Variants in SLC35F1 observed in about 807,000 individuals in gnomAD.
SLC35F1 encodes chromosome 6 open reading frame 169.
A neutral mutation model predicts 48.7 loss-of-function variants in SLC35F1; 14 were observed. The observed-to-expected ratio is 0.29, with a 90% CI of 0.19 to 0.45. The LOEUF (loss-of-function observed/expected upper bound fraction) is 0.45, where lower values mean the gene tolerates loss of function less well. SLC35F1 is among the 20% of genes least tolerant of loss of function. The pLI, the probability that SLC35F1 is intolerant of heterozygous loss-of-function variation, is 1.00. For missense variants in SLC35F1, 404 were observed against 500.0 expected (o/e 0.81, Z 1.83); for synonymous variants, 190 against 202.2 (o/e 0.94, Z 0.51).
chr6:118,241,326 C>A (rs1217293769), intron 3 of SLC35F1, among the ~76,000 whole-genome samples: 1 of 152,140 alleles, frequency 6.6e-6, no homozygotes, highest in East Asian at 1.9e-4. Context: ...CTTGCTCTAT[C>A]CTCTTGCCCT....
At chr6:118,281,175 ACTCTCTCTCTCT>A (rs745677823) in intron 6 of SLC35F1, among the ~76,000 whole-genome samples, 1 of 137,688 alleles carries the variant, frequency 7.3e-6, no homozygotes, top group Admixed American at 7.3e-5. Flanking sequence ...ATATATAGTA[ACTCTCTCTCTCT>A]CTCTCTCTCT....
intron 1 of SLC35F1, among the ~76,000 whole-genome samples, chr6:117,961,461 A>G (rs1776497393): frequency 6.6e-6 from 1 of 152,174 alleles, no homozygotes; most frequent in Non-Finnish European, 1.5e-5. Context: ...TTAATAGAAG[A>G]GAGCTCAGCC....
intron 2 of SLC35F1, among the ~76,000 whole-genome samples, chr6:118,231,803 C>T (rs1415285061): frequency 2.0e-5 from 3 of 152,162 alleles, no homozygotes; most frequent in South Asian, 2.1e-4. Context: ...GTGGCTGGTG[C>T]GCTCTGAGTC....
rs200732253 is a variant in SLC35F1, at chr6:117,999,200, G to A, written c.173+91301G>A. 2,676 of 1,595,650 alleles carry A rather than the reference G, an allele frequency of 1.7e-3. 54 individuals carry two copies. In the South Asian group the frequency reaches 0.024, roughly 14 times the overall value. On this transcript the variant is annotated intron_variant, in intron 1 of 7. Transcript: ENST00000360388. Reference sequence around the variant, plus strand: ...ACGTGCCGAGGCTATCAAGGCCCTCGTAAAGCCCAAGGAGGTTAAGCCCAA... The same window carrying A: ...ACGTGCCGAGGCTATCAAGGCCCTCATAAAGCCCAAGGAGGTTAAGCCCAA...
intron 7 of SLC35F1, among the ~76,000 whole-genome samples, chr6:118,292,639 A>G (rs1776138396): frequency 6.6e-6 from 1 of 151,832 alleles, no homozygotes; most frequent in Non-Finnish European, 1.5e-5. Flanking sequence ...TCCACGCAGA[A>G]CTAAATGACT....
At chr6:118,198,936 G>A (rs181154713) in intron 2 of SLC35F1, among the ~76,000 whole-genome samples, 68 of 152,282 alleles carry the variant, frequency 4.5e-4, no homozygotes, top group African/African-American at 1.4e-3. Flanking sequence ...GCCAAGCAAC[G>A]TTATGACTCA....
At chr6:117,999,776 G>A (rs565392571) in intron 1 of SLC35F1, among the ~76,000 whole-genome samples, 25 of 151,614 alleles carry the variant, frequency 1.6e-4, no homozygotes, top group East Asian at 3.9e-4. Flanking sequence ...TATCACCACC[G>A]ATCCCACAGA....
intron 1 of SLC35F1, 150 bp from the exon 2 acceptor site, chr6:118,154,295 C>T: frequency 4.7e-6 from 3 of 633,622 alleles, no homozygotes; most frequent in Non-Finnish European, 5.2e-6. Context: ...TTGCACCTTC[C>T]TCGAGGGATT....
At chr6:118,109,862 C>T (rs1282173893) in intron 1 of SLC35F1, among the ~76,000 whole-genome samples, 2 of 152,136 alleles carry the variant, frequency 1.3e-5, no homozygotes, top group African/African-American at 4.8e-5. Context: ...TCTTTATGGC[C>T]AGCACTTACC....
intron 2 of SLC35F1, among the ~76,000 whole-genome samples, chr6:118,206,400 T>C (rs1488699265): frequency 6.6e-6 from 1 of 152,154 alleles, no homozygotes; most frequent in Non-Finnish European, 1.5e-5. Flanking sequence ...TAACCTTACT[T>C]CTTACTCTCA....
chr6:117,956,209 CA>C (rs1407856680), intron 1 of SLC35F1, among the ~76,000 whole-genome samples: 1 of 152,214 alleles, frequency 6.6e-6, no homozygotes, highest in Non-Finnish European at 1.5e-5. Flanking sequence ...TTTCAGTTCA[CA>C]AACAGGTGTT....
intron 7 of SLC35F1, among the ~76,000 whole-genome samples, chr6:118,292,243 G>T (rs770311411): frequency 6.6e-6 from 1 of 152,206 alleles, no homozygotes; most frequent in African/African-American, 2.4e-5. Context: ...TGTAGCCAGG[G>T]TTAGACCCCT....
intron 1 of SLC35F1, among the ~76,000 whole-genome samples, chr6:117,967,841 T>C (rs1044257834): frequency 2.0e-5 from 3 of 152,188 alleles, no homozygotes; most frequent in Non-Finnish European, 4.4e-5. Context: ...AATATGAGCA[T>C]AATACAGGAA....
intron 1 of SLC35F1, among the ~76,000 whole-genome samples, chr6:118,022,546 A>AGAGGCAGAGCTCTCACCT (rs141918043): frequency 1.3e-5 from 2 of 151,764 alleles, no homozygotes; most frequent in African/African-American, 2.4e-5. Context: ...AGGCCTGCAG[A>AGAGGCAGAGCTCTCACCT]GAGGCAGAGC....
At chr6:118,074,046 T>C (rs1415895491) in intron 1 of SLC35F1, among the ~76,000 whole-genome samples, 1 of 152,190 alleles carries the variant, frequency 6.6e-6, no homozygotes, top group African/African-American at 2.4e-5. Flanking sequence ...CTTTTCCCTA[T>C]AGACTATATT....
intron 1 of SLC35F1, among the ~76,000 whole-genome samples, chr6:118,046,000 G>A (rs1197710747): frequency 2.0e-5 from 3 of 152,036 alleles, no homozygotes; most frequent in Non-Finnish European, 4.4e-5. Context: ...TCAACCAGAT[G>A]GATAGAAACC....
At position 118,154,525 on chromosome 6, in the gene SLC35F1, C is replaced by T. The variant is rs754996434; in HGVS notation, c.254C>T (p.Ser85Leu). Residue 85 changes from serine to leucine, a missense_variant, in exon 2 of 8, where the codon TCA (serine) becomes TTA (leucine). By Grantham distance (145) the Ser-to-Leu change is moderately radical. Around this residue, in one of 2 missense-constraint regions of SLC35F1, gnomAD observed 306 missense variants for 419.1 expected, o/e 0.73. Coordinates refer to ENST00000360388, the MANE Select transcript of SLC35F1 (RefSeq NM_001029858.4). ...ATTGGCTTGACTAGCAAGTATCTGT[C>T]AGAAGATTTCCACGCCAACACACCA... Reference protein sequence around the residue: ...CGIGLTSKYLSEDFHANTPVF... With the variant: ...CGIGLTSKYLLEDFHANTPVF... The T allele has an allele frequency of 4.3e-6, 7 of 1,613,892 alleles. No homozygotes were observed. Among genetic ancestry groups the T allele is most frequent in the Non-Finnish European group, 5.9e-6 (7 of 1,179,946 alleles).
chr6:117,997,071 G>A (rs1326450888), intron 1 of SLC35F1, among the ~76,000 whole-genome samples: 2 of 152,112 alleles, frequency 1.3e-5, no homozygotes, highest in East Asian at 3.8e-4. Flanking sequence ...ATACAGAGAA[G>A]TGCTTAAAGG....
At chr6:118,054,396 T>C (rs558631448) in intron 1 of SLC35F1, among the ~76,000 whole-genome samples, 1 of 152,192 alleles carries the variant, frequency 6.6e-6, no homozygotes, top group Non-Finnish European at 1.5e-5. Flanking sequence ...TATATCATAA[T>C]GCAATTTCAG....
Sources: allele counts gnomAD v4.1 joint callset (sites outside exome capture counted in the v4.1 genomes callset), GRCh38; gene constraint gnomAD v4.1.1; regional missense constraint gnomAD v4.1.1; transcripts MANE v1.5; gene names NCBI Gene and HGNC (gene_info 2026-07-23, HGNC 2026-07-21).